The following ZNRF1 variants were observed in gnomAD, a reference collection of about 807,000 sequenced individuals.
ZNRF1 encodes the protein zinc and ring finger 1.
A neutral mutation model predicts 18.4 loss-of-function variants in ZNRF1; 3 were observed. The observed-to-expected ratio is 0.16, with a 90% CI of 0.07 to 0.42. ZNRF1 has a LOEUF of 0.42. ZNRF1 is among the 10% of genes least tolerant of loss of function. The pLI is 0.99. For synonymous variants in ZNRF1, 157 were observed against 144.2 expected, an observed-to-expected ratio of 1.09 and a Z score of -0.64; for missense variants, 310 against 329.8, an observed-to-expected ratio of 0.94 and a Z score of 0.47.
chr16:75,086,272 A>G (rs1001645578), intron 1 of ZNRF1, among the ~76,000 whole-genome samples: 5 of 152,226 alleles, frequency 3.3e-5, no homozygotes, highest in African/African-American at 7.2e-5. Flanking sequence ...ATCACAACAG[A>G]TATGTTAACA....
intron 1 of ZNRF1, among the ~76,000 whole-genome samples, chr16:75,061,454 G>A (rs553570442): frequency 7.6e-6 from 1 of 131,282 alleles, no homozygotes; most frequent in Admixed American, 8.2e-5. Flanking sequence ...ATGATCTCCG[G>A]TTCCACTCAT....
In ZNRF1 at chr16:75,035,188, T is replaced by G. The variant is rs149315618; in HGVS notation, c.424+35093T>G. 8.3e-3 allele frequency among the ~76,000 whole-genome samples: 1,212 copies of G among 145,838 alleles called. 10 individuals carry two copies. The highest frequency in any genetic ancestry group is 0.013 in the Non-Finnish European group (880 of 66,836). On this transcript the variant is annotated intron_variant, in intron 1 of 4. Transcript: ENST00000335325. Reference sequence around the variant, plus strand: ...TCCCAAGTAGCTGGGACTACAGGTGTGTGCACAACTATATTTTGTAATTTT... The same window carrying G: ...TCCCAAGTAGCTGGGACTACAGGTGGGTGCACAACTATATTTTGTAATTTT...
At chr16:75,087,537 C>T (rs947612654) in intron 1 of ZNRF1, among the ~76,000 whole-genome samples, 6 of 152,208 alleles carry the variant, frequency 3.9e-5, no homozygotes, top group African/African-American at 1.4e-4. Context: ...GAAAGGAAAC[C>T]AGGTCTCCAT....
chr16:75,041,828 A>AT lies in ZNRF1; in HGVS notation c.424+41733_424+41734insT, dbSNP rs1369232955. Among the ~76,000 whole-genome samples, 469 of 149,864 alleles carry AT rather than the reference A, an allele frequency of 3.1e-3. 2 individuals are homozygous for AT. Among genetic ancestry groups the AT allele is most frequent in the African/African-American group, 8.8e-3 (362 of 41,088 alleles). On this transcript the variant is annotated intron_variant, in intron 1 of 4. Transcript: ENST00000335325. ...TGAAACCCCATCTCTACTAAAAAAA[A>AT]AAATATATATATATAAAATTAGCTG...
intron 1 of ZNRF1, among the ~76,000 whole-genome samples, chr16:75,072,999 T>G (rs1220411910): frequency 6.6e-6 from 1 of 152,074 alleles, no homozygotes; most frequent in Non-Finnish European, 1.5e-5. Context: ...TTTAAAAAAT[T>G]GAGGGGCCAG....
intron 1 of ZNRF1, among the ~76,000 whole-genome samples, chr16:75,086,328 G>A (rs990129465): frequency 7.9e-5 from 12 of 152,198 alleles, no homozygotes; most frequent in Non-Finnish European, 1.8e-4. Context: ...GTCTTCTGAT[G>A]TCTGCTTATG....
At chr16:75,087,599 C>T (rs146727333) in intron 1 of ZNRF1, among the ~76,000 whole-genome samples, 3 of 152,316 alleles carry the variant, frequency 2.0e-5, no homozygotes, top group Non-Finnish European at 4.4e-5. Context: ...ATCCTGTAGG[C>T]GCATTTGCTT....
At chr16:75,090,974 C>T (rs2036130817) in intron 1 of ZNRF1, among the ~76,000 whole-genome samples, 1 of 152,134 alleles carries the variant, frequency 6.6e-6, no homozygotes, top group Non-Finnish European at 1.5e-5. Context: ...TAGTCTTGAA[C>T]TCCTGAGCTC....
At chr16:75,100,910 A>G (rs1032923016) in intron 2 of ZNRF1, among the ~76,000 whole-genome samples, 1 of 152,114 alleles carries the variant, frequency 6.6e-6, no homozygotes, top group African/African-American at 2.4e-5. Flanking sequence ...CTGTTTTATT[A>G]TGAAAAATGT....
chr16:75,028,190 A>G (rs1214936720), intron 1 of ZNRF1, among the ~76,000 whole-genome samples: 1 of 152,232 alleles, frequency 6.6e-6, no homozygotes, highest in Non-Finnish European at 1.5e-5. Context: ...TCCTATTGGC[A>G]TACTAACTGC....
intron 1 of ZNRF1, among the ~76,000 whole-genome samples, chr16:75,043,568 G>T (rs896813145): frequency 2.0e-5 from 3 of 151,990 alleles, no homozygotes; most frequent in African/African-American, 7.2e-5. Flanking sequence ...ATATATGCAA[G>T]GAATCATTTT....
chr16:75,039,779 C>G (rs1356701891), intron 1 of ZNRF1, among the ~76,000 whole-genome samples: 2 of 152,152 alleles, frequency 1.3e-5, no homozygotes, highest in Non-Finnish European at 2.9e-5. Context: ...GTTGAAGAAG[C>G]ACTGTTAATA....
rs2034795200 is a variant in ZNRF1, at chr16:74,999,037, CGGCG to C, written c.-634_-631del. On this transcript the variant is annotated 5_prime_UTR_variant, in exon 1 of 5. Transcript: ENST00000335325. The stretch of plus-strand genomic sequence containing the variant: ...CTGCCGCCCTCCATTGTCTCCACGG[CGGCG>C]AGGAGCGCCGGCGAGCGCAGCCCGG... 3 of 150,844 alleles carry C rather than the reference CGGCG, an allele frequency of 2.0e-5. No homozygotes were observed. Among genetic ancestry groups the C allele is most frequent in the African/African-American group, 7.3e-5 (3 of 41,232 alleles). The allele number at this position is 150,844 out of a possible 1,614,324, so 9.3% of individuals were successfully genotyped here.
intron 1 of ZNRF1, among the ~76,000 whole-genome samples, chr16:75,074,818 A>T (rs534166569): frequency 9.7e-4 from 148 of 152,272 alleles, no homozygotes; most frequent in African/African-American, 3.4e-3. Context: ...CTATAATCCC[A>T]GCTCTTTAGG....
chr16:75,028,575 G>A (rs959227398), intron 1 of ZNRF1, among the ~76,000 whole-genome samples: 2 of 152,236 alleles, frequency 1.3e-5, no homozygotes, highest in Non-Finnish European at 2.9e-5. Flanking sequence ...GATTATAGGC[G>A]TGAGCCTCTG....
chr16:75,101,262 G>C (rs982071422), intron 2 of ZNRF1, among the ~76,000 whole-genome samples: 9 of 152,200 alleles, frequency 5.9e-5, no homozygotes, highest in African/African-American at 9.7e-5. Flanking sequence ...ATTGTATAGA[G>C]AACACCCTTA....
Position 75,057,566 on chromosome 16 carries a change from C to CGTCA in ZNRF1, c.425-36005_425-36002dup, listed in dbSNP as rs2035684127. ...GATTCATCTTCCCTGGCCTCAGGATCGTCATAACAGCTGCTTTGCAAGAAA... is the reference window on the plus strand; with the variant it reads ...GATTCATCTTCCCTGGCCTCAGGATCGTCAGTCATAACAGCTGCTTTGCAAGAAA... On this transcript the variant is annotated intron_variant, in intron 1 of 4. Transcript: ENST00000335325. Among the ~76,000 whole-genome samples the CGTCA allele has an allele frequency of 3.9e-5, 6 of 152,268 alleles. No homozygotes were observed. In the South Asian group the frequency reaches 1.2e-3, roughly 32 times the overall value.
chr16:75,047,587 T>TG (rs1301508269), intron 1 of ZNRF1, among the ~76,000 whole-genome samples: 2 of 152,194 alleles, frequency 1.3e-5, no homozygotes, highest in African/African-American at 4.8e-5. Flanking sequence ...TGTGGAGGAG[T>TG]GCTGTTGACT....
intron 1 of ZNRF1, among the ~76,000 whole-genome samples, chr16:75,064,026 A>G (rs1489944303): frequency 6.6e-6 from 1 of 152,150 alleles, no homozygotes; most frequent in Non-Finnish European, 1.5e-5. Context: ...GGCCGGGTGC[A>G]GTGGCTCACG....
Sources: allele counts gnomAD v4.1 joint callset (sites outside exome capture counted in the v4.1 genomes callset), GRCh38; gene constraint gnomAD v4.1.1; transcripts MANE v1.5; gene names NCBI Gene and HGNC (gene_info 2026-07-23, HGNC 2026-07-21).